The following TRPC4AP variants were observed in gnomAD, a reference collection of about 807,000 sequenced individuals.
TRPC4AP encodes transient receptor potential cation channel subfamily C member 4 associated protein, also known as short transient receptor potential channel 4-associated protein.
In TRPC4AP, 45 loss-of-function variants were observed where a neutral mutation model predicts 99.0. The observed-to-expected ratio is 0.45, with a 90% CI of 0.36 to 0.58. TRPC4AP has a LOEUF of 0.58. TRPC4AP is among the 20% of genes least tolerant of loss of function. TRPC4AP has a pLI of 0.00. For missense variants in TRPC4AP, 879 were observed against 985.3 expected (o/e 0.89, Z 1.44); for synonymous variants, 408 against 385.8 (o/e 1.06, Z -0.67).
intron 1 of TRPC4AP, among the ~76,000 whole-genome samples, chr20:35,086,602 C>A (rs2084890849): frequency 1.4e-5 from 2 of 146,754 alleles, no homozygotes; most frequent in African/African-American, 2.5e-5. Flanking sequence ...AGACTTTATC[C>A]TAATCAGGAG....
At position 35,072,710 on chromosome 20, in the gene TRPC4AP, T is replaced by C. The variant is rs551178646; in HGVS notation, c.298-3298A>G. Among the ~76,000 whole-genome samples the C allele has an allele frequency of 7.0e-4, 106 of 152,334 alleles. 1 individual carries two copies. Among genetic ancestry groups the C allele is most frequent in the African/African-American group, 2.4e-3 (101 of 41,578 alleles). Reference sequence around the variant, plus strand: ...CCTTGTAGTATAGTTTGAAGTCAGGTAGCGTGATGCCTCCAGCTTTGGTTC... The same window carrying C: ...CCTTGTAGTATAGTTTGAAGTCAGGCAGCGTGATGCCTCCAGCTTTGGTTC... On this transcript the variant is annotated intron_variant, in intron 2 of 18. Transcript: ENST00000252015.
intron 3 of TRPC4AP, among the ~76,000 whole-genome samples, chr20:35,058,031 A>C (rs1274389748): frequency 2.0e-5 from 3 of 152,210 alleles, no homozygotes; most frequent in African/African-American, 7.2e-5. Flanking sequence ...AATTTTGCAC[A>C]AACTGTTTAA....
chr20:35,042,838 T>G (rs1409313619), intron 7 of TRPC4AP, among the ~76,000 whole-genome samples: 3 of 152,178 alleles, frequency 2.0e-5, no homozygotes, highest in Non-Finnish European at 4.4e-5. Context: ...TGTTTTTAAG[T>G]AATATATTTA....
Position 35,003,597 on chromosome 20 carries a change from T to C in TRPC4AP, c.2069A>G (p.Asn690Ser). 1 of 1,613,842 alleles carries C rather than the reference T, an allele frequency of 6.2e-7. No homozygotes were observed. The highest frequency in any genetic ancestry group is 8.5e-7 in the Non-Finnish European group (1 of 1,179,950). The stretch of plus-strand genomic sequence containing the variant: ...CAGCATCAGGATCACCAGGCTGGTG[T>C]TGAGGCAGCTGACGTTCTCCTGCAA... ...TLTQENVSCL[N>S]TSLVILMLAR... is the part of the protein sequence containing the mutation. Residue 690 changes from asparagine to serine, a missense_variant, in exon 18 of 19, where the codon AAC becomes AGC. Around this residue, in one of 3 missense-constraint regions of TRPC4AP, gnomAD observed 224 missense variants for 264.7 expected, o/e 0.85. Coordinates refer to ENST00000252015, the MANE Select transcript of TRPC4AP (RefSeq NM_015638.3).
rs189397112 is a variant in TRPC4AP, at chr20:35,070,560, G to A, written c.298-1148C>T. On this transcript the variant is annotated intron_variant, in intron 2 of 18. Transcript: ENST00000252015. ...CGAGTAGCTGGGACTACAGGCGCCC[G>A]CCACTGCGCCCGGCTAATTTTTTGT... Among the ~76,000 whole-genome samples, 726 of 152,108 alleles carry A rather than the reference G, an allele frequency of 4.8e-3. 3 individuals are homozygous for A. Among genetic ancestry groups the A allele is most frequent in the Non-Finnish European group, 8.5e-3 (576 of 67,988 alleles).
At chr20:35,021,752 T>G (rs1312243492) in intron 8 of TRPC4AP, among the ~76,000 whole-genome samples, 2 of 152,188 alleles carry the variant, frequency 1.3e-5, no homozygotes, top group Admixed American at 6.5e-5. Flanking sequence ...CTTACTTGGT[T>G]CTTCTGCTGA....
chr20:35,068,070 T>C (rs1206300971), intron 3 of TRPC4AP, among the ~76,000 whole-genome samples: 2 of 152,340 alleles, frequency 1.3e-5, no homozygotes, highest in South Asian at 2.1e-4. Flanking sequence ...ACTTTTCTCA[T>C]AACTGCTTAG....
At chr20:35,066,118 T>C (rs972797835) in intron 3 of TRPC4AP, among the ~76,000 whole-genome samples, 4 of 152,136 alleles carry the variant, frequency 2.6e-5, no homozygotes, top group Admixed American at 2.0e-4. Flanking sequence ...ACAATTTTTT[T>C]TTTTGAGATG....
Position 35,008,754 on chromosome 20 carries a change from TAGAAG to T in TRPC4AP, c.1512-12_1512-8del. On this transcript the variant is annotated splice_polypyrimidine_tract_variant and splice_region_variant and intron_variant, in intron 12 of 18. Transcript: ENST00000252015. ...CCCATCACACACCAAACTCCTGAAATAGAAGAGAGATATTGGTGACAGATCTGAGA... is the reference window on the plus strand; with the variant it reads ...CCCATCACACACCAAACTCCTGAAATAGAGATATTGGTGACAGATCTGAGA... 6.2e-7 allele frequency: 1 copy of T among 1,612,856 alleles called. No homozygotes were observed. Among genetic ancestry groups the T allele is most frequent in the Non-Finnish European group, 8.5e-7 (1 of 1,179,224 alleles).
chr20:35,005,048 G>A (rs967920173), intron 16 of TRPC4AP, among the ~76,000 whole-genome samples: 16 of 152,158 alleles, frequency 1.1e-4, no homozygotes, highest in African/African-American at 2.9e-4. Flanking sequence ...CACTAGTGTC[G>A]GAGCAACTGC....
chr20:35,086,395 G>C (rs1600672572), intron 1 of TRPC4AP, among the ~76,000 whole-genome samples: 1 of 151,616 alleles, frequency 6.6e-6, no homozygotes, highest in Middle Eastern at 3.4e-3. Context: ...TTAAGGGCTT[G>C]TGAATACGAA....
chr20:35,015,650 G>A (rs964481155), intron 10 of TRPC4AP, among the ~76,000 whole-genome samples: 1 of 151,006 alleles, frequency 6.6e-6, no homozygotes, highest in Non-Finnish European at 1.5e-5. Flanking sequence ...TTTAGTGAGA[G>A]ACGCAAGTGT....
intron 11 of TRPC4AP, among the ~76,000 whole-genome samples, chr20:35,012,655 T>C (rs1297188389): frequency 6.6e-6 from 1 of 152,240 alleles, no homozygotes; most frequent in African/African-American, 2.4e-5. Flanking sequence ...TTTGCCTGTC[T>C]GAAGTTCCTG....
intron 13 of TRPC4AP, among the ~76,000 whole-genome samples, chr20:35,008,276 G>GC (rs2082557170): frequency 6.6e-6 from 1 of 152,138 alleles, no homozygotes; most frequent in African/African-American, 2.4e-5. Context: ...TATTCACCCA[G>GC]CCCCCAGCCC....
In TRPC4AP at chr20:35,069,416, GTTTT is replaced by G. The variant is rs750668578; in HGVS notation, c.298-8_298-5del. The stretch of plus-strand genomic sequence containing the variant: ...TGGAGAGAAGAGGAGAAATTTCCTA[GTTTT>G]TTTAAAAAAAAGTACATACATTGTT... On this transcript the variant is annotated splice_polypyrimidine_tract_variant and splice_region_variant and intron_variant, in intron 2 of 18. Coordinates refer to ENST00000252015, the MANE Select transcript of TRPC4AP (RefSeq NM_015638.3). The G allele has an allele frequency of 5.7e-6, 9 of 1,574,622 alleles. No individual in the cohort carries two copies. In the East Asian group the frequency reaches 2.0e-4, roughly 35 times the overall value.
In TRPC4AP at chr20:35,024,986, T is replaced by C. The variant is rs118186611; in HGVS notation, c.1052-3630A>G. Among the ~76,000 whole-genome samples, 18 of 152,254 alleles carry C rather than the reference T, an allele frequency of 1.2e-4. No homozygotes were observed. In the East Asian group the frequency reaches 2.9e-3, roughly 25 times the overall value. On this transcript the variant is annotated intron_variant, in intron 8 of 18. Transcript: ENST00000252015. ...TATATTTTCATTTCTCTTGGGTATA[T>C]ACCTGGGAGTAGGATTTCTAGGCCC...
At chr20:35,014,026 A>T (rs985584864) in intron 10 of TRPC4AP, among the ~76,000 whole-genome samples, 1 of 152,120 alleles carries the variant, frequency 6.6e-6, no homozygotes, top group Non-Finnish European at 1.5e-5. Flanking sequence ...CCCTGTAGAA[A>T]TGCCTCCAGG....
At chr20:35,086,657 T>C (rs6120828) in intron 1 of TRPC4AP, among the ~76,000 whole-genome samples, 27,911 of 151,240 alleles carry the variant, frequency 0.18, 2,662 homozygotes, top group Middle Eastern at 0.34. Context: ...TAAGATTTGT[T>C]TGACTTAAAT....
At chr20:35,086,398 A>C (rs2084847983) in intron 1 of TRPC4AP, among the ~76,000 whole-genome samples, 2 of 150,760 alleles carry the variant, frequency 1.3e-5, no homozygotes, top group African/African-American at 4.9e-5. Context: ...AGGGCTTGTG[A>C]ATACGAAAAC....
Sources: gnomAD v4.1 joint callset for allele counts (sites outside exome capture counted in the v4.1 genomes callset) on GRCh38, gnomAD v4.1.1 for gene constraint, gnomAD v4.1.1 regional missense constraint, MANE v1.5 for transcripts, NCBI Gene and HGNC (gene_info 2026-07-23, HGNC 2026-07-21) for gene names.